The following PRKG1 variants were observed in gnomAD, a reference collection of about 807,000 sequenced individuals.
PRKG1 encodes the protein cGMP-dependent protein kinase 1.
In PRKG1, 35 loss-of-function variants were observed where a neutral mutation model predicts 88.1. The observed-to-expected ratio is 0.40, with a 90% CI of 0.30 to 0.53. The LOEUF (loss-of-function observed/expected upper bound fraction) is 0.53. Ranked by LOEUF, PRKG1 falls within the 20% of genes least tolerant of loss-of-function variation. The pLI, the probability that PRKG1 is intolerant of heterozygous loss-of-function variation, is 0.59. For synonymous variants in PRKG1, 303 were observed against 292.5 expected (o/e 1.04, Z -0.37); for missense variants, 540 against 839.8 (o/e 0.64, Z 4.41).
chr10:51,586,282 C>T lies in PRKG1; in HGVS notation c.592+118446C>T, dbSNP rs558924078. Among the ~76,000 whole-genome samples the T allele has an allele frequency of 5.9e-5, 9 of 152,090 alleles. No homozygotes were observed. The East Asian group carries it at 1.7e-3, about 29-fold the overall frequency. On this transcript the variant is annotated intron_variant, in intron 3 of 17. Coordinates refer to ENST00000373980, the MANE Select transcript of PRKG1 (RefSeq NM_006258.4). ...TTTACAGACATATTACATACTAAAG[C>T]TATAGTTTTGAACAATTAGACTAAA... is the stretch of plus-strand genomic sequence containing the variant.
intron 4 of PRKG1, among the ~76,000 whole-genome samples, chr10:51,860,113 A>G (rs1207472588): frequency 6.6e-6 from 1 of 152,194 alleles, no homozygotes; most frequent in African/African-American, 2.4e-5. Context: ...AGGGTAAATA[A>G]GTACCCTAAA....
chr10:51,339,008 C>A (rs376304848), intron 2 of PRKG1, among the ~76,000 whole-genome samples: 1 of 152,134 alleles, frequency 6.6e-6, no homozygotes, highest in Non-Finnish European at 1.5e-5. Flanking sequence ...ATATCCATTT[C>A]ACTGTCACAT....
At chr10:51,801,160 G>A (rs929473360) in intron 3 of PRKG1, among the ~76,000 whole-genome samples, 2 of 152,016 alleles carry the variant, frequency 1.3e-5, no homozygotes, top group African/African-American at 4.8e-5. Flanking sequence ...AGTATTTTCT[G>A]TAAAGGGCTG....
chr10:51,826,071 A>T (rs529905790), intron 4 of PRKG1, among the ~76,000 whole-genome samples: 1 of 152,204 alleles, frequency 6.6e-6, no homozygotes, highest in East Asian at 1.9e-4. Context: ...GTAAGGGGCC[A>T]TCATGAATTC....
chr10:51,907,513 A>G lies in PRKG1; in HGVS notation c.705A>G (p.Pro235=), dbSNP rs575204362. The part of the protein sequence containing the change: ...TEYMEFLKSV[P]TFQSLPEEIL... Reference sequence around the variant, plus strand: ...ATTCTGTTTTGTTTTTCAGCGTTCCAACATTCCAGAGCCTTCCTGAAGAGA... The same window carrying G: ...ATTCTGTTTTGTTTTTCAGCGTTCCGACATTCCAGAGCCTTCCTGAAGAGA... The change falls in exon 5 of 18, where the codon CCA becomes CCG. Residue 235 remains proline, a synonymous_variant. Coordinates refer to ENST00000373980, the MANE Select transcript of PRKG1 (RefSeq NM_006258.4). 6.2e-7 allele frequency: 1 copy of G among 1,613,258 alleles called. No homozygotes were observed. The highest frequency in any genetic ancestry group is 1.7e-5 in the Admixed American group (1 of 59,956).
chr10:51,278,161 G>A (rs1038322019), intron 2 of PRKG1, among the ~76,000 whole-genome samples: 1 of 152,210 alleles, frequency 6.6e-6, no homozygotes, highest in African/African-American at 2.4e-5. Flanking sequence ...TTTTTAGCAT[G>A]AAGGGCTGTT....
intron 2 of PRKG1, among the ~76,000 whole-genome samples, chr10:51,383,720 C>G (rs1391644139): frequency 6.6e-6 from 1 of 152,142 alleles, no homozygotes; most frequent in Non-Finnish European, 1.5e-5. Flanking sequence ...TTTCTTCTTC[C>G]TCTGAGACTA....
chr10:52,014,983 G>A (rs1331263854), intron 5 of PRKG1, among the ~76,000 whole-genome samples: 1 of 152,224 alleles, frequency 6.6e-6, no homozygotes, highest in Admixed American at 6.5e-5. Context: ...TTAATGGGCT[G>A]GCATAGAGTG....
chr10:51,044,630 T>C (rs1843464665), intron 1 of PRKG1, among the ~76,000 whole-genome samples: 1 of 152,006 alleles, frequency 6.6e-6, no homozygotes, highest in Non-Finnish European at 1.5e-5. Flanking sequence ...CCACACCACA[T>C]AGCTTATAGA....
chr10:51,067,270 GTATA>G (rs10612353), intron 1 of PRKG1, among the ~76,000 whole-genome samples: 72,440 of 146,552 alleles, frequency 0.49, 18,673 homozygotes, highest in South Asian at 0.64. Flanking sequence ...ATGTATGTGT[GTATA>G]TATATATATA....
intron 1 of PRKG1, among the ~76,000 whole-genome samples, chr10:51,021,048 G>A (rs1214821202): frequency 6.6e-6 from 1 of 152,136 alleles, no homozygotes; most frequent in Admixed American, 6.6e-5. Context: ...GTGTGTGTCT[G>A]TGTGTATGTT....
chr10:52,011,507 C>G (rs1844878405), intron 5 of PRKG1, among the ~76,000 whole-genome samples: 1 of 152,124 alleles, frequency 6.6e-6, no homozygotes. Context: ...GCCTCAAGAC[C>G]ACATTTATTT....
chr10:51,453,714 T>C (rs1839503324), intron 2 of PRKG1, among the ~76,000 whole-genome samples: 1 of 152,000 alleles, frequency 6.6e-6, no homozygotes, highest in African/African-American at 2.4e-5. Flanking sequence ...TTGAGATGTA[T>C]TTTGTGACCT....
intron 2 of PRKG1, among the ~76,000 whole-genome samples, chr10:51,333,884 G>A (rs992103712): frequency 5.3e-5 from 8 of 152,074 alleles, no homozygotes; most frequent in African/African-American, 1.9e-4. Flanking sequence ...CTTTGTACCT[G>A]CATCATAGTA....
chr10:52,102,187 T>G (rs1847309471), intron 7 of PRKG1, among the ~76,000 whole-genome samples: 1 of 152,184 alleles, frequency 6.6e-6, no homozygotes, highest in African/African-American at 2.4e-5. Context: ...TTTTTTTGTT[T>G]TGTTTTTTGT....
intron 3 of PRKG1, among the ~76,000 whole-genome samples, chr10:51,476,720 G>A (rs944787083): frequency 1.3e-5 from 2 of 151,982 alleles, no homozygotes; most frequent in Non-Finnish European, 2.9e-5. Flanking sequence ...GCCTCCAGGA[G>A]CTCCATCCAG....
intron 3 of PRKG1, among the ~76,000 whole-genome samples, chr10:51,756,769 C>T (rs56355603): frequency 0.23 from 34,359 of 148,588 alleles, 5,078 homozygotes; most frequent in Middle Eastern, 0.38. Context: ...GAGCTGAGAT[C>T]GCGCCACTGC....
chr10:52,290,856 C>T (rs909407317), intron 17 of PRKG1, among the ~76,000 whole-genome samples: 3 of 150,728 alleles, frequency 2.0e-5, no homozygotes, highest in Non-Finnish European at 4.4e-5. Context: ...AAGACCCTGT[C>T]TCTAAAAAAA....
intron 2 of PRKG1, among the ~76,000 whole-genome samples, chr10:51,351,554 C>G (rs919469239): frequency 6.6e-6 from 1 of 151,870 alleles, no homozygotes; most frequent in Non-Finnish European, 1.5e-5. Flanking sequence ...TAAATGTCTT[C>G]TTTTGAGAAG....
Sources: gnomAD v4.1 joint callset for allele counts (sites outside exome capture counted in the v4.1 genomes callset) on GRCh38, gnomAD v4.1.1 for gene constraint, MANE v1.5 for transcripts, NCBI Gene and HGNC (gene_info 2026-07-23, HGNC 2026-07-21) for gene names.